The following SYNJ2BP variants were observed in gnomAD, a reference collection of about 807,000 sequenced individuals.
SYNJ2BP encodes synaptojanin-2-binding protein.
SYNJ2BP carries 10 observed loss-of-function variants against 16.9 expected under a neutral mutation model. That is an observed-to-expected ratio of 0.59 (90% CI 0.36 to 1.00). SYNJ2BP has a LOEUF of 1.00. Among genes scored for constraint, SYNJ2BP ranks in the 50% least tolerant of loss-of-function variants. The pLI, the probability that SYNJ2BP is intolerant of heterozygous loss-of-function variation, is 0.01. For synonymous variants in SYNJ2BP, 54 were observed against 68.4 expected, an observed-to-expected ratio of 0.79 and a Z score of 1.04; for missense variants, 162 against 186.7, an observed-to-expected ratio of 0.87 and a Z score of 0.77.
intron 2 of SYNJ2BP, among the ~76,000 whole-genome samples, chr14:70,382,354 A>T (rs1490850806): frequency 6.6e-6 from 1 of 152,240 alleles, no homozygotes; most frequent in Admixed American, 6.5e-5. Context: ...CTTTTGCTTC[A>T]AATACACACA....
intron 1 of SYNJ2BP, among the ~76,000 whole-genome samples, chr14:70,400,639 A>G (rs191923654): frequency 1.9e-4 from 29 of 152,268 alleles, no homozygotes; most frequent in Non-Finnish European, 1.9e-4. Flanking sequence ...CTAATTTAAA[A>G]CAATCATTTA....
intron 1 of SYNJ2BP, among the ~76,000 whole-genome samples, chr14:70,399,301 G>T (rs1249596457): frequency 6.6e-6 from 1 of 152,180 alleles, no homozygotes; most frequent in African/African-American, 2.4e-5. Flanking sequence ...GCCCATCTCG[G>T]CCTCGCCCCA....
intron 2 of SYNJ2BP, among the ~76,000 whole-genome samples, chr14:70,388,185 A>C (rs556505223): frequency 6.6e-6 from 1 of 152,192 alleles, no homozygotes; most frequent in Non-Finnish European, 1.5e-5. Flanking sequence ...TGGATTTTAA[A>C]TCTCTTTTCC....
intron 2 of SYNJ2BP, among the ~76,000 whole-genome samples, chr14:70,380,569 G>C (rs1363776049): frequency 6.6e-6 from 1 of 150,744 alleles, no homozygotes; most frequent in African/African-American, 2.4e-5. Flanking sequence ...GGCTGAGGCA[G>C]AAGAATCACT....
chr14:70,377,734 ACT>A (rs1887663831), intron 2 of SYNJ2BP, among the ~76,000 whole-genome samples: 3 of 152,110 alleles, frequency 2.0e-5, no homozygotes, highest in Middle Eastern at 6.8e-3. Context: ...ACTCACAGAC[ACT>A]CTGTCTTCTT....
intron 1 of SYNJ2BP, among the ~76,000 whole-genome samples, chr14:70,401,041 T>C (rs1888224548): frequency 6.6e-6 from 1 of 152,158 alleles, no homozygotes; most frequent in South Asian, 2.1e-4. Flanking sequence ...GACTTATATA[T>C]AACACTTATG....
chr14:70,392,523 A>G (rs1000285168), intron 1 of SYNJ2BP, among the ~76,000 whole-genome samples: 33 of 152,322 alleles, frequency 2.2e-4, no homozygotes, highest in African/African-American at 7.7e-4. Context: ...ACTACATAGT[A>G]GTTGCTCTAT....
chr14:70,403,622 A>G (rs1888286692), intron 1 of SYNJ2BP, among the ~76,000 whole-genome samples: 1 of 152,216 alleles, frequency 6.6e-6, no homozygotes, highest in Non-Finnish European at 1.5e-5. Flanking sequence ...AATGTCAGGA[A>G]ATTACCCTAT....
Position 70,391,429 on chromosome 14 carries a change from A to G in SYNJ2BP, c.65-2823T>C, listed in dbSNP as rs571545160. Among the ~76,000 whole-genome samples the G allele has an allele frequency of 6.1e-3, 924 of 152,334 alleles. 6 individuals carry two copies. The highest frequency in any genetic ancestry group is 0.021 in the African/African-American group (877 of 41,574). ...TATCATAGAAGGTAGGAAGTATTGG[A>G]GAAGGTACAGAAATGTAAGATAAGG... On this transcript the variant is annotated intron_variant, in intron 1 of 3. Coordinates refer to ENST00000256366, the MANE Select transcript of SYNJ2BP (RefSeq NM_018373.3).
intron 2 of SYNJ2BP, among the ~76,000 whole-genome samples, chr14:70,386,953 C>T (rs180804232): frequency 4.6e-5 from 7 of 152,200 alleles, no homozygotes; most frequent in Non-Finnish European, 7.3e-5. Flanking sequence ...TTTATTTCAA[C>T]GTTTTCCCAA....
intron 2 of SYNJ2BP, among the ~76,000 whole-genome samples, chr14:70,384,820 G>C (rs1198257567): frequency 6.6e-6 from 1 of 151,908 alleles, no homozygotes; most frequent in Non-Finnish European, 1.5e-5. Context: ...AAGTTTCCTG[G>C]GGCCTCCCCA....
intron 3 of SYNJ2BP, among the ~76,000 whole-genome samples, chr14:70,373,693 T>C (rs1315420465): frequency 6.6e-6 from 1 of 152,198 alleles, no homozygotes; most frequent in African/African-American, 2.4e-5. Flanking sequence ...CATCTGCTCA[T>C]TTCTAATACT....
intron 3 of SYNJ2BP, among the ~76,000 whole-genome samples, chr14:70,374,358 G>A (rs750819878): frequency 2.0e-5 from 3 of 152,128 alleles, no homozygotes; most frequent in South Asian, 4.1e-4. Context: ...GTTTTCTCAG[G>A]TATCTTTCAC....
chr14:70,415,477 A>G (rs1888583927), intron 1 of SYNJ2BP, among the ~76,000 whole-genome samples: 1 of 151,446 alleles, frequency 6.6e-6, no homozygotes, highest in Non-Finnish European at 1.5e-5. Flanking sequence ...CTTGAGCCTA[A>G]GAGGGAGAGG....
intron 3 of SYNJ2BP, among the ~76,000 whole-genome samples, chr14:70,375,195 CTCTT>C (rs1478777876): frequency 6.9e-6 from 1 of 144,412 alleles, no homozygotes; most frequent in Non-Finnish European, 1.5e-5. Context: ...TCTTTTTTTT[CTCTT>C]TTTTTCTTTT....
rs1455649203 is a variant in SYNJ2BP at position 70,367,370 on chromosome 14, T to C, written c.*5621A>G. 1 of 151,920 alleles carries C rather than the reference T, an allele frequency of 6.6e-6. No homozygotes were observed. The highest frequency in any genetic ancestry group is 2.4e-5 in the African/African-American group (1 of 41,366). The allele number at this position is 151,920 out of a possible 1,614,324, so 9.4% of individuals were successfully genotyped here. ...CGAGGTCAGGAATTCAAGACCAGCCTGGCCAAGATGCTGAAACCCCGTGTC... is the reference window on the plus strand; with the variant it reads ...CGAGGTCAGGAATTCAAGACCAGCCCGGCCAAGATGCTGAAACCCCGTGTC... On this transcript the variant is annotated 3_prime_UTR_variant, in exon 4 of 4. Coordinates refer to ENST00000256366, the MANE Select transcript of SYNJ2BP (RefSeq NM_018373.3).
intron 3 of SYNJ2BP, among the ~76,000 whole-genome samples, chr14:70,374,556 C>T (rs1887584032): frequency 6.6e-6 from 1 of 152,202 alleles, no homozygotes; most frequent in African/African-American, 2.4e-5. Flanking sequence ...TATATCTACC[C>T]AGGCTTCCCT....
chr14:70,405,165 G>A (rs1888320800), intron 1 of SYNJ2BP, among the ~76,000 whole-genome samples: 1 of 151,816 alleles, frequency 6.6e-6, no homozygotes, highest in Non-Finnish European at 1.5e-5. Context: ...TAGGAAAGAA[G>A]GAAATGTAAA....
At chr14:70,397,875 G>A (rs577083933) in intron 1 of SYNJ2BP, among the ~76,000 whole-genome samples, 1 of 152,344 alleles carries the variant, frequency 6.6e-6, no homozygotes, top group African/African-American at 2.4e-5. Context: ...CAAGTGGAGT[G>A]TCAGCAAGTC....
Sources: allele counts gnomAD v4.1 joint callset (sites outside exome capture counted in the v4.1 genomes callset), GRCh38; gene constraint gnomAD v4.1.1; transcripts MANE v1.5; gene names NCBI Gene and HGNC (gene_info 2026-07-23, HGNC 2026-07-21).